Variants in PADI4 observed in about 807,000 individuals in gnomAD.
PADI4 encodes the protein peptidyl arginine deiminase 4.
In PADI4, 62 loss-of-function variants were observed where a neutral mutation model predicts 75.0. The ratio of observed to expected loss-of-function variants is 0.83; its 90% confidence interval spans 0.67 to 1.02. The LOEUF is 1.02. Ranked by LOEUF, PADI4 falls within the 50% of genes least tolerant of loss-of-function variation. The pLI, the probability that PADI4 is intolerant of heterozygous loss-of-function variation, is 0.00. For synonymous variants in PADI4, 361 were observed against 348.1 expected (o/e 1.04, Z -0.41); for missense variants, 845 against 850.5 (o/e 0.99, Z 0.08).
chr1:17,353,611 T>C (rs2074706133), intron 10 of PADI4, among the ~76,000 whole-genome samples: 1 of 152,104 alleles, frequency 6.6e-6, no homozygotes, highest in Admixed American at 6.5e-5. Flanking sequence ...GTGGACTGAA[T>C]AATGGCCCCT....
chr1:17,354,804 G>A, intron 11 of PADI4, 117 bp downstream of exon 11: 1 of 989,124 alleles, frequency 1.0e-6, no homozygotes, highest in Non-Finnish European at 1.4e-6. Flanking sequence ...CAACAGACTT[G>A]AGGGAGTGTG....
chr1:17,332,053 T>A (rs1166029415), intron 2 of PADI4, among the ~76,000 whole-genome samples: 1 of 152,072 alleles, frequency 6.6e-6, no homozygotes, highest in East Asian at 1.9e-4. Context: ...CAGGGGAGAA[T>A]AATTATTTGC....
At chr1:17,351,992 A>T (rs371981927) in intron 10 of PADI4, among the ~76,000 whole-genome samples, 7 of 27,620 alleles carry the variant, frequency 2.5e-4, no homozygotes, top group African/African-American at 7.3e-4. Flanking sequence ...GAGGAGAGGC[A>T]GTCAGGGAGG....
In PADI4 at chr1:17,356,381, C is replaced by A; in HGVS notation, c.1480C>A (p.Pro494Thr). The A allele has an allele frequency of 5.6e-6, 9 of 1,612,584 alleles. No homozygotes were observed. The highest frequency in any genetic ancestry group is 6.8e-6 in the Non-Finnish European group (8 of 1,179,152). The change falls in exon 13 of 16, where the codon CCC becomes ACC. Residue 494 changes from proline (P) to threonine (T), a missense_variant. By Grantham distance (38) the Pro-to-Thr change is conservative. Coordinates refer to ENST00000375448, the MANE Select transcript of PADI4 (RefSeq NM_012387.3). The surrounding 1 kb of genome is among the most constrained non-coding windows in gnomAD (Gnocchi z 4.1). ...RKGFRLLLAS[P>T]RSCYKLFQEQ... ...GGGCTTCCGGCTGCTCCTGGCCAGC[C>A]CCAGGTCCTGCTACAAACTGTTCCA...
In PADI4 at chr1:17,340,441, C is replaced by T. The variant is rs531781050; in HGVS notation, c.652+628C>T. 7.9e-5 allele frequency among the ~76,000 whole-genome samples: 12 copies of T among 152,130 alleles called. No homozygotes were observed. In the East Asian group the frequency reaches 2.3e-3, roughly 29 times the overall value. ...GAGGGTGGCCAGGGAAGGTGTCCCC[C>T]ATGAGGTGCCATGTGAGCAGAGGGA... On this transcript the variant is annotated intron_variant, in intron 6 of 15. Coordinates refer to ENST00000375448, the MANE Select transcript of PADI4 (RefSeq NM_012387.3).
intron 1 of PADI4, among the ~76,000 whole-genome samples, chr1:17,318,810 C>T (rs7543168): frequency 0.14 from 21,526 of 151,080 alleles, 2,058 homozygotes; most frequent in Non-Finnish European, 0.21. Flanking sequence ...CTCAGCCTCC[C>T]GAGTAGCTGG....
intron 1 of PADI4, among the ~76,000 whole-genome samples, chr1:17,310,350 C>T (rs762451548): frequency 1.3e-4 from 20 of 152,126 alleles, no homozygotes; most frequent in Non-Finnish European, 2.1e-4. Flanking sequence ...CATGGGTCTC[C>T]GTTCCAGACC....
At chr1:17,359,234 C>CCCCAG in intron 14 of PADI4, 46 bp from the exon 15 acceptor site, 3 of 888,914 alleles carry the variant, frequency 3.4e-6, no homozygotes, top group South Asian at 1.5e-5. Context: ...CCCCCACCCC[C>CCCCAG]GACTGCCATC....
intron 14 of PADI4, 144 bp from the exon 15 acceptor site, chr1:17,359,136 G>A (rs2074810065): frequency 1.4e-6 from 1 of 700,052 alleles, no homozygotes; most frequent in Admixed American, 2.6e-5. Flanking sequence ...TCTGTGCAGT[G>A]AGGCCTGGCA....
intron 8 of PADI4, among the ~76,000 whole-genome samples, chr1:17,342,950 G>A (rs1343135729): frequency 2.0e-5 from 3 of 152,200 alleles, no homozygotes; most frequent in African/African-American, 7.2e-5. Context: ...GCTCCAGCCT[G>A]GGCAACACAG....
chr1:17,363,495 G>A, intron 15 of PADI4, 27 bp from the exon 16 acceptor site: 1 of 1,547,136 alleles, frequency 6.5e-7, no homozygotes, highest in Non-Finnish European at 8.9e-7. Context: ...GCTGCTGCCT[G>A]TGACCTGAAC....
Position 17,313,872 on chromosome 1 carries a change from C to A in PADI4, c.92+5558C>A, listed in dbSNP as rs150413445. On this transcript the variant is annotated intron_variant, in intron 1 of 15. Coordinates refer to ENST00000375448, the MANE Select transcript of PADI4 (RefSeq NM_012387.3). The stretch of plus-strand genomic sequence containing the variant: ...TATGATAACACATGTGGGTCACACG[C>A]TTGAGGGCATGCACACACCTGGTGT... 2.4e-3 allele frequency among the ~76,000 whole-genome samples: 359 copies of A among 152,302 alleles called. 2 individuals are homozygous for A. The highest frequency in any genetic ancestry group is 4.4e-3 in the Admixed American group (68 of 15,302).
intron 11 of PADI4, 81 bp downstream of exon 11, chr1:17,354,768 C>T (rs1334534549): frequency 7.5e-7 from 1 of 1,333,466 alleles, no homozygotes; most frequent in African/African-American, 1.5e-5. Context: ...GAAGCCTTGC[C>T]TTCCTGCTTC....
In PADI4 at chr1:17,356,508, C is replaced by A; in HGVS notation, c.1558+49C>A. ...CCTGTCTGTGCACCTTCCTGCTTCC[C>A]ATAGTCCGCTGTTGCCTGGAGGGAA... On this transcript the variant is annotated intron_variant, in intron 13 of 15. Transcript: ENST00000375448. The surrounding 1 kb of genome is among the most constrained non-coding windows in gnomAD (Gnocchi z 4.1). The A allele has an allele frequency of 9.0e-7, 1 of 1,112,022 alleles. No individual in the cohort carries two copies. The highest frequency in any genetic ancestry group is 1.3e-5 in the South Asian group (1 of 76,548). 68.9% of individuals were successfully genotyped at this position (1,112,022 alleles called of 1,614,324 possible). A position where few individuals can be genotyped will look rare whatever the true frequency, so the allele number is the denominator to read the frequency against.
At chr1:17,354,807 G>A in intron 11 of PADI4, 120 bp downstream of exon 11, 1 of 993,098 alleles carries the variant, frequency 1.0e-6, no homozygotes, top group Non-Finnish European at 1.4e-6. Context: ...CAGACTTGAG[G>A]GAGTGTGAGA....
At chr1:17,316,703 A>AAATT (rs1295432341) in intron 1 of PADI4, among the ~76,000 whole-genome samples, 1 of 146,646 alleles carries the variant, frequency 6.8e-6, no homozygotes, top group Non-Finnish European at 1.5e-5. Flanking sequence ...ATAAATAAAT[A>AAATT]AATAAATTAA....
In PADI4 at chr1:17,354,577, T is replaced by C. The variant is rs1339544825; in HGVS notation, c.1200T>C (p.Gly400=). The C allele has an allele frequency of 6.2e-7, 1 of 1,613,884 alleles. No individual in the cohort carries two copies. The highest frequency in any genetic ancestry group is 1.7e-5 in the Admixed American group (1 of 60,000). ...TAACTCGAGGGCCCCAAACAGGGGG[T>C]ATCAGTGGACTGGACTCCTTTGGGA... The part of the protein sequence containing the change: ...GYVTRGPQTG[G]ISGLDSFGNL... Residue 400 remains glycine, a synonymous_variant, in exon 11 of 16, where the codon GGT becomes GGC. Transcript: ENST00000375448.
At chr1:17,349,447 G>C (rs1250672871) in intron 10 of PADI4, among the ~76,000 whole-genome samples, 1 of 152,174 alleles carries the variant, frequency 6.6e-6, no homozygotes, top group African/African-American at 2.4e-5. Flanking sequence ...GCTGACACCT[G>C]TAATCCCAGC....
At chr1:17,353,038 G>A (rs750957694) in intron 10 of PADI4, among the ~76,000 whole-genome samples, 19 of 152,196 alleles carry the variant, frequency 1.2e-4, no homozygotes, top group African/African-American at 3.6e-4. Flanking sequence ...GGCGAGGCCC[G>A]CGCATTGCAC....
Sources: allele counts gnomAD v4.1 joint callset (sites outside exome capture counted in the v4.1 genomes callset), GRCh38; gene constraint gnomAD v4.1.1; non-coding constraint Gnocchi (gnomAD v3.1); transcripts MANE v1.5; gene names NCBI Gene and HGNC (gene_info 2026-07-23, HGNC 2026-07-21).